RNF216: variants seen among roughly 807,000 people sequenced by gnomAD.
The protein encoded by RNF216 is E3 ubiquitin-protein ligase RNF216.
Under a neutral mutation model 110.8 loss-of-function variants are expected in RNF216, and 72 were observed. The ratio of observed to expected loss-of-function variants is 0.65; its 90% CI spans 0.54 to 0.79. The LOEUF is 0.79. RNF216 is among the 30% of genes least tolerant of loss of function. The probability of loss-of-function intolerance (pLI) is 0.00; values close to 1 mark genes in which losing one functional copy is unlikely to be tolerated. For missense variants in RNF216, 1,342 were observed against 1,141.2 expected, an observed-to-expected ratio of 1.18 and a Z score of -2.54; for synonymous variants, 495 against 407.5, an observed-to-expected ratio of 1.21 and a Z score of -2.59.
At chr7:5,775,411 A>G (rs1300325801) in intron 1 of RNF216, among the ~76,000 whole-genome samples, 2 of 151,810 alleles carry the variant, frequency 1.3e-5, no homozygotes, top group African/African-American at 4.8e-5. Context: ...ATTTTTCCTT[A>G]TGTATATGCT....
chr7:5,656,619 G>A (rs1020963656), intron 13 of RNF216, among the ~76,000 whole-genome samples: 2 of 152,162 alleles, frequency 1.3e-5, no homozygotes, highest in Admixed American at 6.5e-5. Context: ...GCCAGGCCAC[G>A]TTCTTCACGT....
chr7:5,748,607 TACATACAC>T (rs1409144995), intron 3 of RNF216, among the ~76,000 whole-genome samples: 201 of 97,388 alleles, frequency 2.1e-3, no homozygotes, highest in Middle Eastern at 4.2e-3. Context: ...ATTTTTTATA[TACATACAC>T]ACACACACAC....
intron 13 of RNF216, among the ~76,000 whole-genome samples, chr7:5,654,947 G>A (rs1166491985): frequency 2.0e-5 from 3 of 152,046 alleles, no homozygotes; most frequent in East Asian, 1.9e-4. Context: ...GGAAGCTGGA[G>A]GACAAACAAC....
Position 5,695,239 on chromosome 7 carries a change from A to G in RNF216, c.2061+16522T>C, listed in dbSNP as rs73339969. Among the ~76,000 whole-genome samples, 887 of 152,312 alleles carry G rather than the reference A, an allele frequency of 5.8e-3. 10 individuals are homozygous for G. The highest frequency in any genetic ancestry group is 0.02 in the African/African-American group (819 of 41,542). On this transcript the variant is annotated intron_variant, in intron 13 of 16. Coordinates refer to ENST00000389902, the MANE Select transcript of RNF216 (RefSeq NM_207111.4). The stretch of plus-strand genomic sequence containing the variant: ...ATCTAACATCTACAACTGCAAGTCA[A>G]GAGTACCAAATACCAATATACAAAA...
At chr7:5,667,767 G>T (rs1789622556) in intron 13 of RNF216, among the ~76,000 whole-genome samples, 5 of 152,222 alleles carry the variant, frequency 3.3e-5, no homozygotes, top group Non-Finnish European at 7.3e-5. Flanking sequence ...AGAGGCTGCA[G>T]ATTCCAGGAA....
chr7:5,643,913 T>C (rs549167766), intron 14 of RNF216, among the ~76,000 whole-genome samples: 3 of 152,346 alleles, frequency 2.0e-5, no homozygotes, highest in East Asian at 1.9e-4. Flanking sequence ...CAAATGCCCA[T>C]ATGCCTCTGA....
chr7:5,747,683 C>T (rs1795097110), intron 3 of RNF216, among the ~76,000 whole-genome samples: 1 of 125,394 alleles, frequency 8.0e-6, no homozygotes. Flanking sequence ...CTGGGACGTG[C>T]ATGTTGCAGT....
At chr7:5,675,861 C>T (rs942513919) in intron 13 of RNF216, among the ~76,000 whole-genome samples, 1 of 151,880 alleles carries the variant, frequency 6.6e-6, no homozygotes, top group Middle Eastern at 3.2e-3. Context: ...AGGCATGCAC[C>T]ACCATGCCTG....
At chr7:5,730,427 T>C (rs903282739) in intron 6 of RNF216, among the ~76,000 whole-genome samples, 1 of 152,252 alleles carries the variant, frequency 6.6e-6, no homozygotes, top group African/African-American at 2.4e-5. Context: ...TTTAGGAATT[T>C]GCTTTGTAGG....
At chr7:5,681,477 G>C (rs1790646052) in intron 13 of RNF216, among the ~76,000 whole-genome samples, 1 of 152,176 alleles carries the variant, frequency 6.6e-6, no homozygotes, top group Admixed American at 6.5e-5. Flanking sequence ...CCCTGACCCA[G>C]TGTGCCTCCC....
rs1488054495 is a variant in RNF216 at position 5,712,747 on chromosome 7, C to G, written c.1950G>C (p.Glu650Asp). 1 of 1,613,992 alleles carries G rather than the reference C, an allele frequency of 6.2e-7. No homozygotes were observed. Among genetic ancestry groups the G allele is most frequent in the African/African-American group, 1.3e-5 (1 of 74,906 alleles). ...GCTCGTCGGCGTAGGCTGCCGCAAC[C>G]TCCTCCTCGGCTTTTCGCTCATAGT... Reference protein sequence around the residue: ...YKYYERKAEEEVAAAYADELV... With the variant: ...YKYYERKAEEDVAAAYADELV... Residue 650 changes from glutamate (E) to aspartate (D), a missense_variant, in exon 12 of 17, where the codon GAG (glutamate) becomes GAC (aspartate). By Grantham distance (45) the Glu-to-Asp change is conservative. Transcript: ENST00000389902.
intron 3 of RNF216, among the ~76,000 whole-genome samples, chr7:5,751,717 C>T (rs1328838072): frequency 1.3e-5 from 2 of 149,434 alleles, no homozygotes; most frequent in African/African-American, 4.9e-5. Context: ...CCTTCTTTGT[C>T]TATAAAGCCA....
At chr7:5,682,156 T>A (rs1790694707) in intron 13 of RNF216, among the ~76,000 whole-genome samples, 1 of 152,196 alleles carries the variant, frequency 6.6e-6, no homozygotes, top group Non-Finnish European at 1.5e-5. Context: ...TGGCTTTCTT[T>A]CCCCTTTTCT....
intron 1 of RNF216, among the ~76,000 whole-genome samples, chr7:5,767,461 A>G (rs1375173077): frequency 1.3e-5 from 2 of 152,150 alleles, no homozygotes; most frequent in Non-Finnish European, 2.9e-5. Flanking sequence ...AGAACTCTCC[A>G]AAAACCAGAA....
intron 13 of RNF216, among the ~76,000 whole-genome samples, chr7:5,672,362 A>G (rs1789972951): frequency 6.6e-6 from 1 of 152,256 alleles, no homozygotes; most frequent in Non-Finnish European, 1.5e-5. Flanking sequence ...GTTTATATAA[A>G]AGGATCCCAC....
At chr7:5,684,827 C>G (rs931539996) in intron 13 of RNF216, among the ~76,000 whole-genome samples, 1 of 146,498 alleles carries the variant, frequency 6.8e-6, no homozygotes, top group Non-Finnish European at 1.5e-5. Context: ...ACATGCCTCA[C>G]ATTTTTAAGG....
At chr7:5,671,834 A>C (rs1464290777) in intron 13 of RNF216, among the ~76,000 whole-genome samples, 2 of 148,814 alleles carry the variant, frequency 1.3e-5, no homozygotes, top group African/African-American at 5.0e-5. Context: ...AAAAAAGGAC[A>C]GAGAGAGACA....
chr7:5,746,340 T>C (rs1403441938), intron 3 of RNF216, among the ~76,000 whole-genome samples: 1 of 152,134 alleles, frequency 6.6e-6, no homozygotes, highest in Non-Finnish European at 1.5e-5. Context: ...AACTGTATTT[T>C]TTGCTCCCTC....
chr7:5,628,151 A>T (rs1265065123), intron 15 of RNF216, among the ~76,000 whole-genome samples: 1 of 152,014 alleles, frequency 6.6e-6, no homozygotes, highest in African/African-American at 2.4e-5. Context: ...GAAGACAGCC[A>T]CCCCAGAGCC....
Sources: gnomAD v4.1 joint callset for allele counts (sites outside exome capture counted in the v4.1 genomes callset) on GRCh38, gnomAD v4.1.1 for gene constraint, MANE v1.5 for transcripts, NCBI Gene and HGNC (gene_info 2026-07-23, HGNC 2026-07-21) for gene names.